KCNN3: variants seen among roughly 807,000 people sequenced by gnomAD.
KCNN3 encodes the protein potassium calcium-activated channel subfamily N member 3.
Under a neutral mutation model 62.9 loss-of-function variants are expected in KCNN3, and 16 were observed. That is an observed-to-expected ratio of 0.25 (90% CI 0.17 to 0.39). The LOEUF (loss-of-function observed/expected upper bound fraction) is 0.39. Among genes scored for constraint, KCNN3 ranks in the 10% least tolerant of loss-of-function variants. The pLI, the probability that KCNN3 is intolerant of heterozygous loss-of-function variation, is 1.00. For synonymous variants in KCNN3, 370 were observed against 389.2 expected, an observed-to-expected ratio of 0.95 and a Z score of 0.58; for missense variants, 599 against 949.4, an observed-to-expected ratio of 0.63 and a Z score of 4.85.
intron 2 of KCNN3, among the ~76,000 whole-genome samples, chr1:154,816,560 C>T (rs10796933): frequency 0.6 from 91,237 of 152,114 alleles, 29,814 homozygotes; most frequent in African/African-American, 0.85. Flanking sequence ...TCCACGCCTC[C>T]GGATGTGAAT....
chr1:154,802,157 A>G (rs1347155497), intron 2 of KCNN3, among the ~76,000 whole-genome samples: 1 of 152,236 alleles, frequency 6.6e-6, no homozygotes, highest in Non-Finnish European at 1.5e-5. Flanking sequence ...TTAGGAAGGT[A>G]CTGATATTAG....
chr1:154,719,363 TAAAC>T (rs1380233463), intron 5 of KCNN3, among the ~76,000 whole-genome samples: 15 of 152,254 alleles, frequency 9.9e-5, no homozygotes, highest in African/African-American at 3.6e-4. Context: ...AGAGTGTACT[TAAAC>T]AAACCTAGAT....
At chr1:154,860,951 G>GTTTTTTTTTT (rs761437574) in intron 1 of KCNN3, among the ~76,000 whole-genome samples, 2 of 112,056 alleles carry the variant, frequency 1.8e-5, no homozygotes, top group Non-Finnish European at 1.7e-5. Flanking sequence ...TGCCACCCAA[G>GTTTTTTTTTT]TTTTTTTTTT....
intron 4 of KCNN3, among the ~76,000 whole-genome samples, chr1:154,726,351 G>C (rs1357260552): frequency 6.6e-6 from 1 of 152,190 alleles, no homozygotes; most frequent in African/African-American, 2.4e-5. Flanking sequence ...CTAAGCACCT[G>C]GTCAGCTGCC....
chr1:154,767,444 T>C (rs903723883), intron 3 of KCNN3, among the ~76,000 whole-genome samples: 2 of 152,190 alleles, frequency 1.3e-5, no homozygotes, highest in African/African-American at 4.8e-5. Flanking sequence ...AGCATGGCTG[T>C]GACAGCAAGG....
chr1:154,863,854 A>C (rs1271330783), intron 1 of KCNN3, among the ~76,000 whole-genome samples: 1 of 152,174 alleles, frequency 6.6e-6, no homozygotes, highest in Non-Finnish European at 1.5e-5. Context: ...TGTGTGATGA[A>C]GTCTTTCCCC....
chr1:154,784,192 C>G (rs1191316853), intron 2 of KCNN3, among the ~76,000 whole-genome samples: 1 of 152,184 alleles, frequency 6.6e-6, no homozygotes, highest in African/African-American at 2.4e-5. Context: ...TTGGTCTCAT[C>G]ATGTGCTCCA....
At chr1:154,757,641 A>C (rs1487658721) in intron 3 of KCNN3, among the ~76,000 whole-genome samples, 1 of 152,170 alleles carries the variant, frequency 6.6e-6, no homozygotes, top group African/African-American at 2.4e-5. Flanking sequence ...CATTAAAAGG[A>C]AAATAATGCC....
Position 154,868,894 on chromosome 1 carries a change from CTCTCAA to C in KCNN3, c.933+132_933+137del, listed in dbSNP as rs1653057194. ...TCTCTCTCCCAGTCTCCCTCCCAAT[CTCTCAA>C]TCTCTCTCTCTCTCTCTCTCTCTCT... On this transcript the variant is annotated intron_variant, in intron 1 of 7. Transcript: ENST00000271915. 3.3e-6 allele frequency: 3 copies of C among 922,054 alleles called. No homozygotes were observed. The East Asian group carries it at 7.4e-5, about 23-fold the overall frequency. 57.1% of individuals were successfully genotyped at this position (922,054 alleles called of 1,614,324 possible).
intron 1 of KCNN3, among the ~76,000 whole-genome samples, chr1:154,839,004 G>C (rs1651714280): frequency 6.6e-6 from 1 of 152,158 alleles, no homozygotes; most frequent in South Asian, 2.1e-4. Flanking sequence ...CCGCTGATCT[G>C]CCTTCTGCTC....
intron 3 of KCNN3, among the ~76,000 whole-genome samples, chr1:154,740,254 C>A (rs1188600744): frequency 2.0e-5 from 3 of 152,106 alleles, no homozygotes; most frequent in Non-Finnish European, 4.4e-5. Context: ...ATGAGAAATA[C>A]TGCTACAAAC....
Position 154,870,110 on chromosome 1 carries a change from C to T in KCNN3, c.-146G>A, listed in dbSNP as rs527897529. 7.8e-5 allele frequency: 72 copies of T among 925,078 alleles called. 1 individual carries two copies. The African/African-American group carries it at 1.1e-3, about 14-fold the overall frequency. The allele number at this position is 925,078 out of a possible 1,614,324, so 57.3% of individuals were successfully genotyped here. A position where few individuals can be genotyped will look rare whatever the true frequency, so the allele number is the denominator to read the frequency against. ...CCTCTCTTTGGCTTGCTTCGGTTCT[C>T]TGGGGCTGCCTGGAGTCCAGACGCT... On this transcript the variant is annotated 5_prime_UTR_variant, in exon 1 of 8. Coordinates refer to ENST00000271915, the MANE Select transcript of KCNN3 (RefSeq NM_002249.6).
intron 1 of KCNN3, among the ~76,000 whole-genome samples, chr1:154,830,421 C>T (rs975351762): frequency 6.6e-6 from 1 of 152,222 alleles, no homozygotes; most frequent in Non-Finnish European, 1.5e-5. Context: ...CCCTTGCAGG[C>T]CCTGCCCTTA....
intron 1 of KCNN3, among the ~76,000 whole-genome samples, chr1:154,844,830 A>G (rs1036650357): frequency 6.6e-6 from 1 of 151,574 alleles, no homozygotes; most frequent in Admixed American, 6.6e-5. Context: ...ACATAGTGAA[A>G]CCCCGCCTCT....
chr1:154,708,121 T>C lies in KCNN3; in HGVS notation c.2051A>G (p.Gln684Arg), dbSNP rs1489335578. 1 of 1,613,750 alleles carries C rather than the reference T, an allele frequency of 6.2e-7. No individual in the cohort carries two copies. Among genetic ancestry groups the C allele is most frequent in the East Asian group, 2.2e-5 (1 of 44,892 alleles). Residue 684 changes from glutamine to arginine, a missense_variant, in exon 8 of 8, where the codon CAG becomes CGG. By Grantham distance (43) the Gln-to-Arg change is conservative (BLOSUM62 1). This residue lies in a region of KCNN3 where 288 missense variants were observed against 557.4 expected (regional missense o/e 0.52). Transcript: ENST00000271915. The stretch of plus-strand genomic sequence containing the variant: ...GATGGCAGACAGGAGCTGCTGCTGC[T>C]GCTGGCGCAGGGTGTCGGCGATGAG... Reference protein sequence around the residue: ...PLLIADTLRQQQQQLLSAIIE... With the variant: ...PLLIADTLRQRQQQLLSAIIE...
At chr1:154,717,929 C>A (rs1418179159) in intron 5 of KCNN3, among the ~76,000 whole-genome samples, 1 of 152,140 alleles carries the variant, frequency 6.6e-6, no homozygotes, top group East Asian at 1.9e-4. Context: ...TTGATCTAAG[C>A]ATTGTTGGGG....
intron 5 of KCNN3, among the ~76,000 whole-genome samples, chr1:154,723,332 A>T (rs1700397072): frequency 6.6e-6 from 1 of 152,258 alleles, no homozygotes; most frequent in African/African-American, 2.4e-5. Flanking sequence ...TTAAAGAGAC[A>T]TTTCAACAGA....
At chr1:154,846,746 C>CA (rs1652077411) in intron 1 of KCNN3, among the ~76,000 whole-genome samples, 1 of 152,194 alleles carries the variant, frequency 6.6e-6, no homozygotes, top group African/African-American at 2.4e-5. Context: ...AGCTCCACTT[C>CA]TCGCTGTACT....
At chr1:154,859,693 A>C (rs1171657052) in intron 1 of KCNN3, 3 of 1,614,134 alleles carry the variant, frequency 1.9e-6, no homozygotes, top group Non-Finnish European at 1.7e-6. Flanking sequence ...CAGGGCACCC[A>C]CCTTTATAGG....
Sources: gnomAD v4.1 joint callset for allele counts (sites outside exome capture counted in the v4.1 genomes callset) on GRCh38, gnomAD v4.1.1 for gene constraint, gnomAD v4.1.1 regional missense constraint, MANE v1.5 for transcripts, NCBI Gene and HGNC (gene_info 2026-07-23, HGNC 2026-07-21) for gene names.